UGT1A4: variants seen among roughly 807,000 people sequenced by gnomAD.
UGT1A4 encodes UDP glucuronosyltransferase family 1 member A4.
Under a neutral mutation model 41.1 loss-of-function variants are expected in UGT1A4, and 32 were observed. The observed-to-expected ratio is 0.78, with a 90% confidence interval of 0.59 to 1.05. The LOEUF (loss-of-function observed/expected upper bound fraction) is 1.05. UGT1A4 is among the 50% of genes least tolerant of loss of function. UGT1A4 has a pLI of 0.00. For missense variants in UGT1A4, 748 were observed against 677.4 expected (o/e 1.10, Z -1.16); for synonymous variants, 283 against 265.1 (o/e 1.07, Z -0.66).
chr2:233,755,331 G>A (rs568550751), intron 1 of UGT1A4: 25 of 462,098 alleles, frequency 5.4e-5, no homozygotes, highest in Admixed American at 1.1e-4. Flanking sequence ...GCCAGCACCC[G>A]CGCACAGGTC....
intron 1 of UGT1A4, 98 bp from the exon 2 acceptor site, chr2:233,766,936 A>C: frequency 6.3e-7 from 1 of 1,586,086 alleles, no homozygotes; most frequent in Admixed American, 1.8e-5. Flanking sequence ...GCCTTTAATC[A>C]TAGTCTTAAG....
chr2:233,768,591 T>C, intron 4 of UGT1A4, 152 bp downstream of exon 4: 1 of 1,076,328 alleles, frequency 9.3e-7, no homozygotes, highest in Non-Finnish European at 1.2e-6. Context: ...TCTTTTTTTT[T>C]TTTTTTTTTT....
chr2:233,752,857 TTG>T (rs1695078036), intron 1 of UGT1A4, among the ~76,000 whole-genome samples: 1 of 152,216 alleles, frequency 6.6e-6, no homozygotes, highest in Non-Finnish European at 1.5e-5. Flanking sequence ...AATTTGAACT[TTG>T]TGTTAGCTTT....
chr2:233,767,294 T>C, intron 2 of UGT1A4, 129 bp downstream of exon 2: 2 of 1,552,282 alleles, frequency 1.3e-6, no homozygotes, highest in Non-Finnish European at 1.7e-6. Context: ...TTCCCAACTA[T>C]TAATCCAAAG....
chr2:233,728,963 A>G (rs747345180), intron 1 of UGT1A4: 195 of 1,450,970 alleles, frequency 1.3e-4, no homozygotes, highest in Non-Finnish European at 1.6e-4. Flanking sequence ...AGTGAAAAAC[A>G]GTGATAGATT....
intron 1 of UGT1A4, chr2:233,756,329 T>A (rs934859836): frequency 6.6e-6 from 1 of 152,238 alleles, no homozygotes; most frequent in African/African-American, 2.4e-5. Flanking sequence ...TTTAAACCTC[T>A]AGTCATCTCT....
At chr2:233,743,679 C>T (rs773832305) in intron 1 of UGT1A4, 13 of 1,367,098 alleles carry the variant, frequency 9.5e-6, no homozygotes, top group African/African-American at 5.9e-5. Flanking sequence ...AAGGGCCTGC[C>T]GCCTGTGCAG....
intron 1 of UGT1A4, among the ~76,000 whole-genome samples, chr2:233,765,612 G>T (rs1698887269): frequency 2.0e-5 from 3 of 151,940 alleles, no homozygotes; most frequent in Admixed American, 6.6e-5. Flanking sequence ...GTGGCGGGGT[G>T]AGGGGTGAGG....
rs1485888079 is a variant in UGT1A4 at position 233,751,702 on chromosome 2, C to A, written c.868-15332C>A. On this transcript the variant is annotated intron_variant, in intron 1 of 4. Coordinates refer to ENST00000373409, the MANE Select transcript of UGT1A4 (RefSeq NM_007120.3). ...GCTGATGGTTTTATAAGGGGCTCTT[C>A]CTCCTTCACTCACAAGTGAACTCTT... is the stretch of plus-strand genomic sequence containing the variant. Among the ~76,000 whole-genome samples, 4 of 152,152 alleles carry A rather than the reference C, an allele frequency of 2.6e-5. No individual in the cohort carries two copies. In the South Asian group the frequency reaches 8.3e-4, roughly 32 times the overall value.
chr2:233,746,482 T>A (rs1022385287), intron 1 of UGT1A4, among the ~76,000 whole-genome samples: 2 of 151,822 alleles, frequency 1.3e-5, no homozygotes, highest in Non-Finnish European at 2.9e-5. Context: ...ACACTTTCCA[T>A]GGACATGTCA....
At position 233,766,963 on chromosome 2, in the gene UGT1A4, C is replaced by T. The variant is rs1348072770; in HGVS notation, c.868-71C>T. On this transcript the variant is annotated intron_variant, in intron 1 of 4. Transcript: ENST00000373409. ...AGTCTTAAGAGGAAGATATCTAATT[C>T]ATAACTTACTGTATGTAGTCATCAA... is the stretch of plus-strand genomic sequence containing the variant. 3.4e-5 allele frequency: 54 copies of T among 1,607,648 alleles called. No individual in the cohort carries two copies. In the South Asian group the frequency reaches 3.5e-4, roughly 10 times the overall value.
intron 1 of UGT1A4, chr2:233,754,417 C>A (rs964577009): frequency 5.9e-6 from 2 of 341,006 alleles, no homozygotes; most frequent in Non-Finnish European, 1.2e-5. Flanking sequence ...ACAATAAAGA[C>A]AGGCATTGGC....
At chr2:233,760,651 A>G (rs1358018329) in intron 1 of UGT1A4, 1 of 1,614,196 alleles carries the variant, frequency 6.2e-7, no homozygotes, top group South Asian at 1.1e-5. Context: ...GGACTCTGCT[A>G]TGCTTTTGTC....
Position 233,757,535 on chromosome 2 carries a change from A to AATATATATATATATAT in UGT1A4, c.868-9488_868-9473dup, listed in dbSNP as rs67292694. On this transcript the variant is annotated intron_variant, in intron 1 of 4. Coordinates refer to ENST00000373409, the MANE Select transcript of UGT1A4 (RefSeq NM_007120.3). Reference sequence around the variant, plus strand: ...CAAAGCCAAAATCTTGCCTGTAAGGAATATATATATATATATATATATATA... The same window carrying AATATATATATATATAT: ...CAAAGCCAAAATCTTGCCTGTAAGGAATATATATATATATATATATATATATATATATATATATATA... 5.8e-3 allele frequency among the ~76,000 whole-genome samples: 508 copies of AATATATATATATATAT among 88,168 alleles called. 6 individuals are homozygous for AATATATATATATATAT. The highest frequency in any genetic ancestry group is 0.021 in the Admixed American group (195 of 9,086). 57.8% of individuals were successfully genotyped at this position (88,168 alleles called of 152,430 possible).
In UGT1A4 at chr2:233,743,994, T is replaced by A. The variant is rs60469444; in HGVS notation, c.868-23040T>A. ...GCCAGCACCCAGGCGCAGGCCCGAGTGCTCGGAGACCTGGGCCGCCTGGAG... is the reference window on the plus strand; with the variant it reads ...GCCAGCACCCAGGCGCAGGCCCGAGAGCTCGGAGACCTGGGCCGCCTGGAG... On this transcript the variant is annotated intron_variant, in intron 1 of 4. Transcript: ENST00000373409. The A allele has an allele frequency of 4.3e-3, 5,381 of 1,253,154 alleles. 300 individuals are homozygous for A. The African/African-American group carries it at 0.076, about 18-fold the overall frequency. 77.6% of individuals were successfully genotyped at this position (1,253,154 alleles called of 1,614,324 possible). A position where few individuals can be genotyped will look rare whatever the true frequency, so the allele number is the denominator to read the frequency against.
intron 1 of UGT1A4, among the ~76,000 whole-genome samples, chr2:233,765,584 C>T (rs1030389138): frequency 7.2e-5 from 11 of 151,846 alleles, no homozygotes; most frequent in African/African-American, 4.8e-5. Flanking sequence ...GGGAGGGGAA[C>T]AACACACACC....
intron 3 of UGT1A4, 27 bp downstream of exon 3, chr2:233,767,963 G>A: frequency 1.2e-6 from 2 of 1,614,136 alleles, no homozygotes; most frequent in Non-Finnish European, 1.7e-6. Context: ...GGATGTATAG[G>A]TCAAACCAGG....
intron 1 of UGT1A4, among the ~76,000 whole-genome samples, chr2:233,726,328 C>T (rs2077525468): frequency 6.6e-6 from 1 of 152,196 alleles, no homozygotes; most frequent in Non-Finnish European, 1.5e-5. Context: ...GGAGTTTCAG[C>T]ACCTGTGGTT....
At chr2:233,772,152 T>C (rs1386097688) in intron 4 of UGT1A4, 110 bp from the exon 5 acceptor site, 1 of 1,556,926 alleles carries the variant, frequency 6.4e-7, no homozygotes, top group African/African-American at 1.4e-5. Flanking sequence ...ACAGGTTTCC[T>C]TTCCCAAGTT....
Sources: allele counts gnomAD v4.1 joint callset (sites outside exome capture counted in the v4.1 genomes callset), GRCh38; gene constraint gnomAD v4.1.1; transcripts MANE v1.5; gene names NCBI Gene and HGNC (gene_info 2026-07-23, HGNC 2026-07-21).